The following ZNF232 variants were observed in gnomAD, a reference collection of about 807,000 sequenced individuals.
ZNF232 encodes zinc finger and SCAN domain-containing protein 11.
ZNF232 carries 25 observed loss-of-function variants against 25.2 expected under a neutral mutation model. The observed-to-expected ratio is 0.99, with a 90% confidence interval of 0.72 to 1.39. The LOEUF is 1.39. ZNF232 is among the 40% of genes most tolerant of loss of function. The pLI is 0.00. For missense variants in ZNF232, 519 were observed against 520.9 expected (o/e 1.00, Z 0.04); for synonymous variants, 193 against 182.9 (o/e 1.06, Z -0.45).
At chr17:5,118,116 T>G (rs1461466994) in intron 1 of ZNF232, 1 of 152,188 alleles carries the variant, frequency 6.6e-6, no homozygotes, top group Non-Finnish European at 1.5e-5. Flanking sequence ...GGCAGATTAC[T>G]GGCTAGCATT....
intron 1 of ZNF232, among the ~76,000 whole-genome samples, chr17:5,119,410 T>G (rs1331575658): frequency 5.3e-5 from 8 of 152,218 alleles, no homozygotes; most frequent in African/African-American, 1.7e-4. Flanking sequence ...AATTACCTGA[T>G]TATCTGAAAA....
chr17:5,117,754 G>T (rs2072568067), intron 1 of ZNF232, among the ~76,000 whole-genome samples: 2 of 152,040 alleles, frequency 1.3e-5, no homozygotes, highest in Non-Finnish European at 2.9e-5. Context: ...TGCGATAATA[G>T]TACAAGCAAG....
chr17:5,115,555 A>AAT (rs137912934), upstream of ZNF232, among the ~76,000 whole-genome samples: 1 of 148,664 alleles, frequency 6.7e-6, no homozygotes, highest in Non-Finnish European at 1.5e-5. Flanking sequence ...CGTCTCCAAA[A>AAT]ACACACACAC....
At position 5,108,333 on chromosome 17, in the gene ZNF232, G is replaced by A. The variant is rs536236396; in HGVS notation, c.625+593C>T. Among the ~76,000 whole-genome samples, 277 of 152,300 alleles carry A rather than the reference G, an allele frequency of 1.8e-3. 1 individual carries two copies. The highest frequency in any genetic ancestry group is 6.5e-3 in the African/African-American group (269 of 41,552). On this transcript the variant is annotated intron_variant, in intron 3 of 3. Transcript: ENST00000575898. ...TGGGAGAGAGGAGAGGTTGTTTGCA[G>A]GTATGTATGCAGGCCAAGAAGGAAG...
exon 2 of ZNF232, chr17:5,109,623 G>C: frequency 6.2e-7 from 1 of 1,614,250 alleles, no homozygotes; most frequent in South Asian, 1.1e-5. Context: ...GGGACCAGGA[G>C]TCTCCTGGTA....
upstream of ZNF232, among the ~76,000 whole-genome samples, chr17:5,115,931 T>C (rs1308612493): frequency 6.6e-6 from 1 of 152,146 alleles, no homozygotes; most frequent in African/African-American, 2.4e-5. Context: ...AAGGCTGGGA[T>C]AGCGCCGGGG....
chr17:5,120,710 C>T (rs1300144037), intron 1 of ZNF232: 2 of 425,688 alleles, frequency 4.7e-6, no homozygotes, highest in Non-Finnish European at 9.4e-6. Flanking sequence ...TGAGCTGGAT[C>T]CTGAATGAGA....
intron 1 of ZNF232, among the ~76,000 whole-genome samples, chr17:5,116,948 C>T (rs1405392477): frequency 6.6e-6 from 1 of 152,168 alleles, no homozygotes; most frequent in Non-Finnish European, 1.5e-5. Context: ...GGAAAGGCCA[C>T]AGGGCAAGAG....
intron 3 of ZNF232, among the ~76,000 whole-genome samples, chr17:5,107,570 G>A (rs1410020231): frequency 7.7e-6 from 1 of 130,170 alleles, no homozygotes; most frequent in East Asian, 2.2e-4. Context: ...ACAGAGTCTT[G>A]CTCTGTTGCC....
upstream of ZNF232, among the ~76,000 whole-genome samples, chr17:5,116,064 C>A (rs931181768): frequency 4.6e-5 from 7 of 152,210 alleles, no homozygotes; most frequent in Non-Finnish European, 7.4e-5. Flanking sequence ...ACGGGCGGGC[C>A]CCGACGCCCA....
upstream of ZNF232, among the ~76,000 whole-genome samples, chr17:5,115,555 A>AACACACACAC (rs61171102): frequency 0.076 from 11,303 of 148,718 alleles, 464 homozygotes; most frequent in African/African-American, 0.092. Context: ...CGTCTCCAAA[A>AACACACACAC]ACACACACAC....
chr17:5,110,488 G>A (rs962322338), intron 1 of ZNF232, among the ~76,000 whole-genome samples: 1 of 152,200 alleles, frequency 6.6e-6, no homozygotes, highest in Non-Finnish European at 1.5e-5. Context: ...CAAAACCCAA[G>A]TTTCCAGATG....
chr17:5,107,542 AC>A (rs1567755998), intron 3 of ZNF232, among the ~76,000 whole-genome samples: 6 of 51,740 alleles, frequency 1.2e-4, no homozygotes, highest in Non-Finnish European at 2.8e-4. Flanking sequence ...AGGTCATTTG[AC>A]TTTTTTTTTT....
chr17:5,113,412 A>G (rs2072463203), upstream of ZNF232: 1 of 152,276 alleles, frequency 6.6e-6, no homozygotes, highest in South Asian at 2.1e-4. Context: ...CTCAGAAACA[A>G]TAAAGGTTAC....
intron 3 of ZNF232, among the ~76,000 whole-genome samples, chr17:5,108,459 C>T (rs1367014421): frequency 6.6e-6 from 1 of 151,692 alleles, no homozygotes; most frequent in Non-Finnish European, 1.5e-5. Flanking sequence ...TGATGACAGG[C>T]TGTATCTCAC....
chr17:5,105,774 G>T, exon 4 of ZNF232: 1 of 1,484,092 alleles, frequency 6.7e-7, no homozygotes, highest in South Asian at 1.4e-5. Flanking sequence ...CAGTCCTAAA[G>T]TAGATTAGAC....
upstream of ZNF232, among the ~76,000 whole-genome samples, chr17:5,115,555 AACAC>A (rs61171102): frequency 6.7e-6 from 1 of 148,764 alleles, no homozygotes. Flanking sequence ...CGTCTCCAAA[AACAC>A]ACACACACAC....
At chr17:5,119,864 A>C (rs530404173) in intron 1 of ZNF232, among the ~76,000 whole-genome samples, 1 of 152,012 alleles carries the variant, frequency 6.6e-6, no homozygotes, top group Non-Finnish European at 1.5e-5. Flanking sequence ...AAGCTCAGAG[A>C]GGTTAAGGGA....
At chr17:5,109,009 T>A (rs1293344451) in exon 3 of ZNF232, 1 of 1,614,114 alleles carries the variant, frequency 6.2e-7, no homozygotes, top group South Asian at 1.1e-5. Flanking sequence ...TTCCTTCTTC[T>A]CCCATGGCTC....
Sources: allele counts gnomAD v4.1 joint callset (sites outside exome capture counted in the v4.1 genomes callset), GRCh38; gene constraint gnomAD v4.1.1; transcripts MANE v1.5; gene names NCBI Gene and HGNC (gene_info 2026-07-23, HGNC 2026-07-21).